Variants in DDR2 observed in about 807,000 individuals in gnomAD.
The protein encoded by DDR2 is discoidin domain receptor tyrosine kinase 2, also known as discoidin domain-containing receptor 2.
Under a neutral mutation model 94.9 loss-of-function variants are expected in DDR2, and 27 were observed. The ratio of observed to expected loss-of-function variants is 0.28; its 90% CI spans 0.21 to 0.39. The LOEUF (loss-of-function observed/expected upper bound fraction) is 0.39, where lower values mean the gene tolerates loss of function less well. Ranked by LOEUF, DDR2 falls within the 10% of genes least tolerant of loss-of-function variation. The probability of loss-of-function intolerance (pLI) is 1.00; values close to 1 mark genes in which losing one functional copy is unlikely to be tolerated. For missense variants in DDR2, 783 were observed against 1,076.0 expected (o/e 0.73, Z 3.81); for synonymous variants, 382 against 377.2 (o/e 1.01, Z -0.15).
chr1:162,711,241 T>G (rs1032835620), intron 2 of DDR2, among the ~76,000 whole-genome samples: 1 of 152,228 alleles, frequency 6.6e-6, no homozygotes, highest in Admixed American at 6.5e-5. Flanking sequence ...AGCACTGGAT[T>G]CTTTTGTCAA....
intron 2 of DDR2, among the ~76,000 whole-genome samples, chr1:162,692,272 CT>C (rs1429258700): frequency 2.6e-5 from 4 of 152,188 alleles, no homozygotes; most frequent in African/African-American, 9.7e-5. Flanking sequence ...CCTACAACAG[CT>C]CCAAGCCACA....
chr1:162,639,818 C>T (rs1213646968), intron 1 of DDR2, among the ~76,000 whole-genome samples: 1 of 152,118 alleles, frequency 6.6e-6, no homozygotes, highest in Admixed American at 6.6e-5. Flanking sequence ...ACTTCGAATT[C>T]TGAATTTCAT....
intron 2 of DDR2, among the ~76,000 whole-genome samples, chr1:162,713,235 T>G (rs1661005755): frequency 6.6e-6 from 1 of 152,168 alleles, no homozygotes; most frequent in South Asian, 2.1e-4. Context: ...ATACAACAAG[T>G]GATTCTTGAA....
At position 162,693,058 on chromosome 1, in the gene DDR2, G is replaced by A. The variant is rs189187778; in HGVS notation, c.-27-25979G>A. On this transcript the variant is annotated intron_variant, in intron 2 of 17. Transcript: ENST00000367921. ...CACAAACCTAATTTTGAGCGAAAGGGGCCAAACAAAAAAGAAAACAAATGG... is the reference window on the plus strand; with the variant it reads ...CACAAACCTAATTTTGAGCGAAAGGAGCCAAACAAAAAAGAAAACAAATGG... Among the ~76,000 whole-genome samples, 260 of 152,038 alleles carry A rather than the reference G, an allele frequency of 1.7e-3. 1 individual carries two copies. The highest frequency in any genetic ancestry group is 3.0e-3 in the Non-Finnish European group (204 of 67,976).
intron 3 of DDR2, among the ~76,000 whole-genome samples, chr1:162,734,386 C>T (rs1182694798): frequency 6.6e-6 from 1 of 152,170 alleles, no homozygotes; most frequent in Non-Finnish European, 1.5e-5. Context: ...TTGGTTAATG[C>T]CAGACATCCT....
intron 3 of DDR2, among the ~76,000 whole-genome samples, chr1:162,731,986 T>C (rs1358901527): frequency 6.6e-6 from 1 of 152,206 alleles, no homozygotes; most frequent in East Asian, 1.9e-4. Flanking sequence ...GGAGATACTA[T>C]TTACTATGAA....
At chr1:162,724,158 C>T (rs1037252639) in intron 3 of DDR2, among the ~76,000 whole-genome samples, 1 of 152,202 alleles carries the variant, frequency 6.6e-6, no homozygotes, top group African/African-American at 2.4e-5. Flanking sequence ...CCATGCTCCA[C>T]ATTTAGCTAA....
intron 3 of DDR2, among the ~76,000 whole-genome samples, chr1:162,721,413 C>T (rs1329468213): frequency 6.6e-6 from 1 of 152,124 alleles, no homozygotes; most frequent in African/African-American, 2.4e-5. Context: ...GAAAACAGGA[C>T]ATGTTGAAGG....
chr1:162,782,115 G>A lies in DDR2; in HGVS notation c.*1869G>A, dbSNP rs752252601. 6.6e-6 allele frequency: 1 copy of A among 152,140 alleles called. No homozygotes were observed. The allele number at this position is 152,140 out of a possible 1,614,324, so 9.4% of individuals were successfully genotyped here. A position where few individuals can be genotyped will look rare whatever the true frequency, so the allele number is the denominator to read the frequency against. ...CAGGACTAACTGTGGAGAAATCATT[G>A]GTTTGAGAGTCAAGAGAGCATTGGT... On this transcript the variant is annotated 3_prime_UTR_variant, in exon 18 of 18. Coordinates refer to ENST00000367921, the MANE Select transcript of DDR2 (RefSeq NM_006182.4).
At chr1:162,741,238 A>G (rs756251119) in intron 3 of DDR2, among the ~76,000 whole-genome samples, 18 of 140,880 alleles carry the variant, frequency 1.3e-4, no homozygotes, top group African/African-American at 3.5e-4. Context: ...ATAATATAAT[A>G]TAATATAGTA....
chr1:162,729,534 T>G (rs1333078193), intron 3 of DDR2, among the ~76,000 whole-genome samples: 2 of 147,742 alleles, frequency 1.4e-5, no homozygotes, highest in Non-Finnish European at 3.0e-5. Flanking sequence ...TGCAACTTTT[T>G]TTTTCTTCCT....
At position 162,755,170 on chromosome 1, in the gene DDR2, T is replaced by C; in HGVS notation, c.432T>C (p.Asn144=). The change falls in exon 6 of 18, where the codon AAT becomes AAC. Residue 144 remains asparagine, a synonymous_variant. Transcript: ENST00000367921. ...TCTCTCCTCAGGTGCTGGATGGAAA[T>C]AGTAACCCCTATGACATTTTCCTAA... ...NRHGKQVLDG[N]SNPYDIFLKD... 1 of 1,614,068 alleles carries C rather than the reference T, an allele frequency of 6.2e-7. No homozygotes were observed. The highest frequency in any genetic ancestry group is 8.5e-7 in the Non-Finnish European group (1 of 1,179,994).
chr1:162,678,669 A>T (rs920911586), intron 2 of DDR2, among the ~76,000 whole-genome samples: 5 of 152,220 alleles, frequency 3.3e-5, no homozygotes, highest in Admixed American at 3.3e-4. Flanking sequence ...GGGCAGATAG[A>T]CTAGCCTTCC....
chr1:162,753,258 G>A (rs1663301810), intron 4 of DDR2, 61 bp downstream of exon 4: 1 of 1,486,424 alleles, frequency 6.7e-7, no homozygotes, highest in Non-Finnish European at 9.4e-7. Context: ...CCTGGGCACA[G>A]ATTCCTGACC....
At chr1:162,656,414 T>C (rs1040555739) in intron 2 of DDR2, among the ~76,000 whole-genome samples, 1 of 152,216 alleles carries the variant, frequency 6.6e-6, no homozygotes, top group African/African-American at 2.4e-5. Flanking sequence ...CCTGTCAAGA[T>C]GCTTTTTGGA....
Position 162,775,833 on chromosome 1 carries a change from C to T in DDR2, c.2038C>T (p.Arg680Cys), listed in dbSNP as rs572243397. The stretch of plus-strand genomic sequence containing the variant: ...CCCTAATTCTTCCTCCAGCGATGTA[C>T]GCACTGTCAGGTAAACAAGCCAGGT... ...EPPNSSSSDVRTVSYTNLKFM... is the reference protein window; with the variant it reads ...EPPNSSSSDVCTVSYTNLKFM... The change falls in exon 15 of 18, where the codon CGC (arginine) becomes TGC (cysteine). Residue 680 changes from arginine (R) to cysteine (C), a missense_variant. This residue lies in a region of DDR2 where 264 missense variants were observed against 428.2 expected (regional missense o/e 0.62). Transcript: ENST00000367921. 25 of 1,613,880 alleles carry T rather than the reference C, an allele frequency of 1.5e-5. No homozygotes were observed. Among genetic ancestry groups the T allele is most frequent in the South Asian group, 1.1e-4 (10 of 91,082 alleles).
chr1:162,695,515 G>A (rs1193739353), intron 2 of DDR2, among the ~76,000 whole-genome samples: 1 of 152,186 alleles, frequency 6.6e-6, no homozygotes, highest in Non-Finnish European at 1.5e-5. Context: ...ACAGGCATGA[G>A]CCACCGTCCC....
intron 9 of DDR2, among the ~76,000 whole-genome samples, chr1:162,765,290 G>GC (rs1281560424): frequency 2.0e-5 from 3 of 152,220 alleles, no homozygotes; most frequent in Admixed American, 6.5e-5. Flanking sequence ...ACATGCAGAG[G>GC]CCAGATACCT....
intron 1 of DDR2, among the ~76,000 whole-genome samples, chr1:162,634,990 C>G (rs1340962690): frequency 6.6e-6 from 1 of 152,158 alleles, no homozygotes; most frequent in Non-Finnish European, 1.5e-5. Context: ...GGAGAGCCAG[C>G]CTGCAGTGGG....
Sources: allele counts gnomAD v4.1 joint callset (sites outside exome capture counted in the v4.1 genomes callset), GRCh38; gene constraint gnomAD v4.1.1; regional missense constraint gnomAD v4.1.1; transcripts MANE v1.5; gene names NCBI Gene and HGNC (gene_info 2026-07-23, HGNC 2026-07-21).